The following LRRC20 variants were observed in gnomAD, a reference collection of about 807,000 sequenced individuals.
LRRC20 encodes leucine-rich repeat-containing protein 20.
Under a neutral mutation model 14.4 loss-of-function variants are expected in LRRC20, and 11 were observed. The ratio of observed to expected loss-of-function variants is 0.77; its 90% confidence interval spans 0.48 to 1.27. LRRC20 has a LOEUF of 1.27. Ranked by LOEUF, LRRC20 falls within the 50% of genes most tolerant of loss-of-function variation. LRRC20 has a pLI of 0.00. For synonymous variants in LRRC20, 121 were observed against 107.3 expected (o/e 1.13, Z -0.79); for missense variants, 219 against 251.2 (o/e 0.87, Z 0.87).
intron 2 of LRRC20, among the ~76,000 whole-genome samples, chr10:70,344,910 C>T (rs577493062): frequency 2.0e-5 from 3 of 152,268 alleles, no homozygotes; most frequent in Admixed American, 1.3e-4. Flanking sequence ...GAAGATATAA[C>T]ATGTCCATTG....
chr10:70,369,017 A>T (rs1458342843), intron 2 of LRRC20, among the ~76,000 whole-genome samples: 1 of 152,260 alleles, frequency 6.6e-6, no homozygotes, highest in African/African-American at 2.4e-5. Context: ...AGGAACTGAC[A>T]GAGGGACATT....
chr10:70,312,486 G>C (rs534133057), intron 4 of LRRC20, among the ~76,000 whole-genome samples: 1 of 152,324 alleles, frequency 6.6e-6, no homozygotes, highest in East Asian at 1.9e-4. Context: ...CATCCTGGCA[G>C]AGGTGGGGCA....
intron 4 of LRRC20, among the ~76,000 whole-genome samples, chr10:70,322,723 A>AT (rs1842134046): frequency 6.6e-6 from 1 of 152,092 alleles, no homozygotes; most frequent in African/African-American, 2.4e-5. Context: ...GGAATCACAT[A>AT]TTCCTATCCT....
rs1249098573 is a variant in LRRC20 at position 70,319,320 on chromosome 10, TG to T, written c.400+4542del. 3.5e-4 allele frequency among the ~76,000 whole-genome samples: 54 copies of T among 152,182 alleles called. 1 individual carries two copies. The highest frequency in any genetic ancestry group is 3.5e-3 in the Admixed American group (54 of 15,284). On this transcript the variant is annotated intron_variant, in intron 4 of 4. Transcript: ENST00000446961. ...TCTTCACCCTCACATGTTCCAGGAT[TG>T]AATTGCTAAGCAGCACCAAGTACCG... is the stretch of plus-strand genomic sequence containing the variant.
chr10:70,301,074 T>A lies in LRRC20; in HGVS notation c.*280A>T. On this transcript the variant is annotated 3_prime_UTR_variant, in exon 5 of 5. Coordinates refer to ENST00000446961, the MANE Select transcript of LRRC20 (RefSeq NM_001278212.2). ...GGGAAAGGGTCCTGTTTTTTTCAAG[T>A]GACAAGGCTCAGAGAGGGCAGGAGA... is the stretch of plus-strand genomic sequence containing the variant. 3 of 1,214,534 alleles carry A rather than the reference T, an allele frequency of 2.5e-6. No individual in the cohort carries two copies. Among genetic ancestry groups the A allele is most frequent in the Non-Finnish European group, 3.1e-6 (3 of 975,566 alleles). 75.2% of individuals were successfully genotyped at this position (1,214,534 alleles called of 1,614,324 possible). A position where few individuals can be genotyped will look rare whatever the true frequency, so the allele number is the denominator to read the frequency against.
Position 70,334,497 on chromosome 10 carries a change from A to T in LRRC20, c.232+6056T>A, listed in dbSNP as rs140559987. Among the ~76,000 whole-genome samples the T allele has an allele frequency of 5.2e-3, 789 of 152,190 alleles. 21 individuals carry two copies. Among genetic ancestry groups the T allele is most frequent in the Admixed American group, 0.048 (740 of 15,284 alleles). On this transcript the variant is annotated intron_variant, in intron 3 of 4. Transcript: ENST00000446961. The stretch of plus-strand genomic sequence containing the variant: ...GTCTCCTCCCTTCCCAGAACTCCAG[A>T]AAATAGTAACTCCTGTGGGGCACTG...
At chr10:70,378,333 T>C (rs1844582399) in intron 1 of LRRC20, among the ~76,000 whole-genome samples, 1 of 152,124 alleles carries the variant, frequency 6.6e-6, no homozygotes, top group African/African-American at 2.4e-5. Context: ...ACCTGGATTA[T>C]TTATGAGCTT....
At chr10:70,349,088 G>T (rs1462598569) in intron 2 of LRRC20, among the ~76,000 whole-genome samples, 1 of 152,206 alleles carries the variant, frequency 6.6e-6, no homozygotes, top group East Asian at 1.9e-4. Flanking sequence ...AAAGAGCTGT[G>T]GGATGTCATC....
At chr10:70,314,625 G>T (rs1023618368) in intron 4 of LRRC20, among the ~76,000 whole-genome samples, 1 of 151,898 alleles carries the variant, frequency 6.6e-6, no homozygotes, top group African/African-American at 2.4e-5. Flanking sequence ...GGTGTGGTCA[G>T]GACATGGAGT....
At chr10:70,335,388 G>A (rs995060522) in intron 3 of LRRC20, among the ~76,000 whole-genome samples, 6 of 152,094 alleles carry the variant, frequency 3.9e-5, no homozygotes, top group Non-Finnish European at 8.8e-5. Flanking sequence ...CTCCCAGTCC[G>A]CCCGCCCGCG....
chr10:70,350,493 G>A (rs1043328225), intron 2 of LRRC20, among the ~76,000 whole-genome samples: 8 of 152,182 alleles, frequency 5.3e-5, no homozygotes, highest in African/African-American at 9.7e-5. Flanking sequence ...AAAGTAATCA[G>A]TGGGCAGAAC....
At chr10:70,330,181 T>C (rs964354639) in intron 3 of LRRC20, among the ~76,000 whole-genome samples, 1 of 152,238 alleles carries the variant, frequency 6.6e-6, no homozygotes, top group Non-Finnish European at 1.5e-5. Flanking sequence ...GTAAAATTGA[T>C]GTTAATTCTC....
chr10:70,360,930 C>T (rs979413623), intron 2 of LRRC20, among the ~76,000 whole-genome samples: 43 of 151,986 alleles, frequency 2.8e-4, no homozygotes, highest in African/African-American at 9.9e-4. Flanking sequence ...CGCCTATAGT[C>T]GCAGCTACTC....
chr10:70,302,565 A>G (rs1841239139), intron 4 of LRRC20, among the ~76,000 whole-genome samples: 1 of 152,184 alleles, frequency 6.6e-6, no homozygotes, highest in South Asian at 2.1e-4. Context: ...GAAAGTAATT[A>G]ATGCCACTGA....
chr10:70,345,488 C>T (rs530093787), intron 2 of LRRC20, among the ~76,000 whole-genome samples: 1 of 151,496 alleles, frequency 6.6e-6, no homozygotes, highest in South Asian at 2.1e-4. Context: ...AAATATAAAA[C>T]ACTTAGAAGC....
Position 70,368,243 on chromosome 10 carries a change from C to T in LRRC20, c.82+8209G>A, listed in dbSNP as rs114396167. 4.3e-3 allele frequency among the ~76,000 whole-genome samples: 609 copies of T among 142,932 alleles called. 3 individuals are homozygous for T. The highest frequency in any genetic ancestry group is 0.014 in the African/African-American group (535 of 38,332). 93.8% of individuals were successfully genotyped at this position (142,932 alleles called of 152,430 possible). A position where few individuals can be genotyped will look rare whatever the true frequency, so the allele number is the denominator to read the frequency against. On this transcript the variant is annotated intron_variant, in intron 2 of 4. Coordinates refer to ENST00000446961, the MANE Select transcript of LRRC20 (RefSeq NM_001278212.2). ...CACAATCTCAGCTTACTGCAAGATG[C>T]GCCTCCCGGGTTCAAATGATTCTCC...
chr10:70,362,854 A>C (rs1018618345), intron 2 of LRRC20, among the ~76,000 whole-genome samples: 1 of 152,236 alleles, frequency 6.6e-6, no homozygotes, highest in Non-Finnish European at 1.5e-5. Context: ...GTGTCACCCC[A>C]AAATTCATAG....
At chr10:70,312,760 G>T (rs565113259) in intron 4 of LRRC20, among the ~76,000 whole-genome samples, 40 of 152,280 alleles carry the variant, frequency 2.6e-4, no homozygotes, top group African/African-American at 9.6e-4. Context: ...CTTTAAGACC[G>T]TCCTTCCACC....
chr10:70,321,806 A>G (rs553855532), intron 4 of LRRC20, among the ~76,000 whole-genome samples: 1 of 152,336 alleles, frequency 6.6e-6, no homozygotes, highest in East Asian at 1.9e-4. Context: ...GAAGGCTTAG[A>G]GCTTCAGTTT....
Sources: gnomAD v4.1 joint callset for allele counts (sites outside exome capture counted in the v4.1 genomes callset) on GRCh38, gnomAD v4.1.1 for gene constraint, MANE v1.5 for transcripts, NCBI Gene and HGNC (gene_info 2026-07-23, HGNC 2026-07-21) for gene names.